The following MGMT variants were observed in gnomAD, a reference collection of about 807,000 sequenced individuals.
MGMT encodes the protein methylated-DNA--protein-cysteine methyltransferase.
A neutral mutation model predicts 15.9 loss-of-function variants in MGMT; 14 were observed. The ratio of observed to expected loss-of-function variants is 0.88; its 90% CI spans 0.58 to 1.37. The LOEUF (loss-of-function observed/expected upper bound fraction) is 1.37, where lower values mean the gene tolerates loss of function less well. Ranked by LOEUF, MGMT falls within the 40% of genes most tolerant of loss-of-function variation. The probability of loss-of-function intolerance (pLI) is 0.00; values close to 1 mark genes in which losing one functional copy is unlikely to be tolerated. For missense variants in MGMT, 282 were observed against 268.1 expected (o/e 1.05, Z -0.36); for synonymous variants, 130 against 118.2 (o/e 1.10, Z -0.65).
At chr10:129,611,692 C>T (rs1180478353) in intron 2 of MGMT, among the ~76,000 whole-genome samples, 1 of 152,182 alleles carries the variant, frequency 6.6e-6, no homozygotes, top group Non-Finnish European at 1.5e-5. Context: ...CCTGTAGAGT[C>T]ATCCCAAATT....
In MGMT at chr10:129,532,760, G is replaced by T. The variant is rs150245302; in HGVS notation, c.-12-3481G>T. The stretch of plus-strand genomic sequence containing the variant: ...CAAAGCCCTGGCCGTGGCCATCTCA[G>T]GTTAGACCCTCAGAGTGGCACTGTC... On this transcript the variant is annotated intron_variant, in intron 1 of 4. Transcript: ENST00000651593. This position sits in a 1 kb window ranked among gnomAD's most constrained non-coding sequence, Gnocchi z 5.3. 6.6e-6 allele frequency among the ~76,000 whole-genome samples: 1 copy of T among 152,170 alleles called. No individual in the cohort carries two copies. The highest frequency in any genetic ancestry group is 1.9e-4 in the East Asian group (1 of 5,180).
intron 1 of MGMT, among the ~76,000 whole-genome samples, chr10:129,510,403 C>T (rs1296811342): frequency 6.6e-6 from 1 of 151,978 alleles, no homozygotes; most frequent in African/African-American, 2.4e-5. Flanking sequence ...TGAGGGCCTG[C>T]GGGTGCCCTT....
At chr10:129,549,584 C>G (rs948622561) in intron 2 of MGMT, among the ~76,000 whole-genome samples, 1 of 152,140 alleles carries the variant, frequency 6.6e-6, no homozygotes, top group South Asian at 2.1e-4. Context: ...GAGTTTTCTT[C>G]TCTTTCTCTT....
chr10:129,570,355 C>T (rs1170440664), intron 2 of MGMT, among the ~76,000 whole-genome samples: 1 of 152,254 alleles, frequency 6.6e-6, no homozygotes, highest in African/African-American at 2.4e-5. Flanking sequence ...GTCACGAGTC[C>T]AGTGACGCTG....
At chr10:129,544,402 TC>T (rs1158190344) in intron 2 of MGMT, among the ~76,000 whole-genome samples, 2 of 152,250 alleles carry the variant, frequency 1.3e-5, no homozygotes, top group Non-Finnish European at 2.9e-5. Flanking sequence ...ACTGCGGCTT[TC>T]ACCCTCAGGA....
chr10:129,706,988 G>A (rs537868586), intron 2 of MGMT, among the ~76,000 whole-genome samples: 5 of 152,112 alleles, frequency 3.3e-5, no homozygotes, highest in South Asian at 2.1e-4. Context: ...AGAGGGCCGC[G>A]CAGTAGCTCA....
In MGMT at chr10:129,530,181, G is replaced by A. The variant is rs368928543; in HGVS notation, c.-12-6060G>A. Among the ~76,000 whole-genome samples, 1,019 of 150,962 alleles carry A rather than the reference G, an allele frequency of 6.8e-3. 10 individuals are homozygous for A. The highest frequency in any genetic ancestry group is 0.023 in the African/African-American group (928 of 40,300). On this transcript the variant is annotated intron_variant, in intron 1 of 4. Transcript: ENST00000651593. ...GCCTGCCAAAGTTCTGGGATTACGG[G>A]TGTGAGCCACCATGACTGGCCCAGA...
intron 2 of MGMT, among the ~76,000 whole-genome samples, chr10:129,613,050 T>A (rs1846980522): frequency 6.6e-6 from 1 of 152,210 alleles, no homozygotes; most frequent in African/African-American, 2.4e-5. Context: ...TAAAACATTA[T>A]TTCCATTATT....
intron 1 of MGMT, among the ~76,000 whole-genome samples, chr10:129,520,827 A>G (rs1401846010): frequency 2.1e-4 from 31 of 146,346 alleles, no homozygotes; most frequent in Middle Eastern, 3.8e-3. Context: ...GCGGGTACAG[A>G]ACCCCTATGG....
At chr10:129,585,592 C>T (rs186372878) in intron 2 of MGMT, among the ~76,000 whole-genome samples, 141 of 152,356 alleles carry the variant, frequency 9.3e-4, no homozygotes, top group Non-Finnish European at 1.8e-3. Flanking sequence ...CTCTAGATTA[C>T]TTATGATACC....
chr10:129,740,431 C>T (rs1253326384), intron 3 of MGMT, among the ~76,000 whole-genome samples: 3 of 152,108 alleles, frequency 2.0e-5, no homozygotes, highest in Non-Finnish European at 4.4e-5. Context: ...TTACCAACTA[C>T]CATGTAGTTA....
chr10:129,691,523 GA>G (rs1254188432), intron 2 of MGMT, among the ~76,000 whole-genome samples: 23 of 152,236 alleles, frequency 1.5e-4, no homozygotes, highest in African/African-American at 4.8e-4. Context: ...CCTTCAAGAG[GA>G]CAGGTTCCTT....
chr10:129,542,875 TGA>T (rs1230203388), intron 2 of MGMT, among the ~76,000 whole-genome samples: 2 of 152,202 alleles, frequency 1.3e-5, no homozygotes, highest in East Asian at 1.9e-4. Context: ...CGTTTCTGCC[TGA>T]GAGGGGTAAA....
chr10:129,569,147 C>A (rs1469265282), intron 2 of MGMT, among the ~76,000 whole-genome samples: 1 of 152,162 alleles, frequency 6.6e-6, no homozygotes, highest in Non-Finnish European at 1.5e-5. Context: ...CTGTTGAACT[C>A]GTGAGCTGTG....
chr10:129,583,567 T>C (rs1297786810), intron 2 of MGMT, among the ~76,000 whole-genome samples: 1 of 152,242 alleles, frequency 6.6e-6, no homozygotes, highest in Non-Finnish European at 1.5e-5. Flanking sequence ...GATTGCAGCC[T>C]AGGGGTTGTG....
chr10:129,545,690 C>T (rs529419493), intron 2 of MGMT, among the ~76,000 whole-genome samples: 16 of 152,320 alleles, frequency 1.1e-4, no homozygotes, highest in Admixed American at 1.0e-3. Context: ...CAACACACAC[C>T]TCTCATACTC....
chr10:129,590,144 G>A (rs996539829), intron 2 of MGMT, among the ~76,000 whole-genome samples: 3 of 152,208 alleles, frequency 2.0e-5, no homozygotes, highest in Admixed American at 2.0e-4. Flanking sequence ...GGGCTCTGCC[G>A]CAGGCCCACA....
chr10:129,560,305 C>T (rs369127568), intron 2 of MGMT, among the ~76,000 whole-genome samples: 31 of 152,184 alleles, frequency 2.0e-4, no homozygotes, highest in East Asian at 5.8e-4. Context: ...ATATAGAACA[C>T]GTTATTAAAT....
At position 129,506,006 on chromosome 10, in the gene MGMT, AT is replaced by A. The variant is rs71478939; in HGVS notation, c.-12-30218del. 3.8e-3 allele frequency among the ~76,000 whole-genome samples: 501 copies of A among 132,476 alleles called. 2 individuals are homozygous for A. Among genetic ancestry groups the A allele is most frequent in the East Asian group, 0.02 (88 of 4,462 alleles). 86.9% of individuals were successfully genotyped at this position (132,476 alleles called of 152,430 possible). On this transcript the variant is annotated intron_variant, in intron 1 of 4. Coordinates refer to ENST00000651593, the MANE Select transcript of MGMT (RefSeq NM_002412.5). ...GAGTGGTCTCTCGTCTGCAGTTGCT[AT>A]TTTTTTTTTTTTTTTTGCAGCATTT...
Sources: allele counts gnomAD v4.1 joint callset (sites outside exome capture counted in the v4.1 genomes callset), GRCh38; gene constraint gnomAD v4.1.1; non-coding constraint Gnocchi (gnomAD v3.1); transcripts MANE v1.5; gene names NCBI Gene and HGNC (gene_info 2026-07-23, HGNC 2026-07-21).